Variants in BACH1 observed in about 807,000 individuals in gnomAD.
BACH1 encodes the protein transcription regulator protein BACH1.
BACH1 carries 35 observed loss-of-function variants against 52.9 expected under a neutral mutation model. The observed-to-expected ratio is 0.66, with a 90% CI of 0.51 to 0.88. The LOEUF (loss-of-function observed/expected upper bound fraction) is 0.88, where lower values mean the gene tolerates loss of function less well. Among genes scored for constraint, BACH1 ranks in the 40% least tolerant of loss-of-function variants. The pLI is 0.00. For synonymous variants in BACH1, 321 were observed against 319.6 expected, an observed-to-expected ratio of 1.00 and a Z score of -0.05; for missense variants, 808 against 872.6, an observed-to-expected ratio of 0.93 and a Z score of 0.93.
Position 29,326,364 on chromosome 21 carries a change from G to T in BACH1, c.540G>T (p.Gln180His). Residue 180 changes from glutamine (Q) to histidine (H), a missense_variant, in exon 3 of 5, where the codon CAG (glutamine) becomes CAT (histidine). Coordinates refer to ENST00000286800, the MANE Select transcript of BACH1 (RefSeq NM_001186.4). Reference protein sequence around the residue: ...VEEFLENKNVQTPQCKLRRYQ... With the variant: ...VEEFLENKNVHTPQCKLRRYQ... Reference sequence around the variant, plus strand: ...AATTTCTGGAAAATAAAAATGTTCAGACTCCTCAGTGTAAACTCCGCAGGT... The same window carrying T: ...AATTTCTGGAAAATAAAAATGTTCATACTCCTCAGTGTAAACTCCGCAGGT... 2 of 1,614,172 alleles carry T rather than the reference G, an allele frequency of 1.2e-6. No homozygotes were observed. The highest frequency in any genetic ancestry group is 1.7e-6 in the Non-Finnish European group (2 of 1,180,032).
In BACH1 at chr21:29,344,900, C is replaced by A. The variant is rs938740626; in HGVS notation, c.*2067C>A. 6.6e-6 allele frequency: 1 copy of A among 152,548 alleles called. No homozygotes were observed. Among genetic ancestry groups the A allele is most frequent in the Non-Finnish European group, 1.5e-5 (1 of 68,006 alleles). 9.4% of individuals were successfully genotyped at this position (152,548 alleles called of 1,614,324 possible). The stretch of plus-strand genomic sequence containing the variant: ...ATCTTTTGCTTTAATTGCTACTGTA[C>A]TTGCTTTGAAAGATTACCTACTATT... On this transcript the variant is annotated 3_prime_UTR_variant, in exon 5 of 5. Coordinates refer to ENST00000286800, the MANE Select transcript of BACH1 (RefSeq NM_001186.4).
rs1344025760 is a variant in BACH1 at position 29,343,547 on chromosome 21, C to G, written c.*714C>G. On this transcript the variant is annotated 3_prime_UTR_variant, in exon 5 of 5. Coordinates refer to ENST00000286800, the MANE Select transcript of BACH1 (RefSeq NM_001186.4). ...AGTGTCACTTTCCCTCCCTGCCCCC[C>G]GCTTCAGTCTCTACCATATCTGGTC... is the stretch of plus-strand genomic sequence containing the variant. The G allele has an allele frequency of 1.3e-5, 2 of 152,296 alleles. No homozygotes were observed. The highest frequency in any genetic ancestry group is 2.4e-5 in the African/African-American group (1 of 41,446). The allele number at this position is 152,296 out of a possible 1,614,324, so 9.4% of individuals were successfully genotyped here.
chr21:29,356,562 C>T (rs1352705900), intron 2 of BACH1, among the ~76,000 whole-genome samples: 1 of 152,226 alleles, frequency 6.6e-6, no homozygotes, highest in African/African-American at 2.4e-5. Flanking sequence ...GTATATTATC[C>T]TGTCCTGAAG....
intron 4 of BACH1, among the ~76,000 whole-genome samples, chr21:29,341,473 G>T (rs967796769): frequency 3.8e-4 from 58 of 152,270 alleles, no homozygotes; most frequent in African/African-American, 1.3e-3. Flanking sequence ...TAAGATGTTA[G>T]AACAAGAAGG....
At chr21:29,339,376 T>G (rs1429564480) in intron 4 of BACH1, among the ~76,000 whole-genome samples, 32 of 152,132 alleles carry the variant, frequency 2.1e-4, no homozygotes, top group Admixed American at 2.1e-3. Flanking sequence ...ATGAGCATTT[T>G]TGCTTATATT....
At chr21:29,358,741 G>A (rs1034113681) in intron 2 of BACH1, among the ~76,000 whole-genome samples, 91 of 77,574 alleles carry the variant, frequency 1.2e-3, no homozygotes, top group African/African-American at 3.8e-3. Context: ...CTCTGTCTCA[G>A]AAAAAAAGAA....
At chr21:29,317,699 T>C (rs1284577522) in intron 1 of BACH1, among the ~76,000 whole-genome samples, 2 of 152,174 alleles carry the variant, frequency 1.3e-5, no homozygotes, top group Non-Finnish European at 2.9e-5. Context: ...GAGAATACAT[T>C]GGAGGGGGTC....
chr21:29,348,546 T>C (rs1156291262), downstream of BACH1, among the ~76,000 whole-genome samples: 2 of 152,188 alleles, frequency 1.3e-5, no homozygotes, highest in Non-Finnish European at 2.9e-5. Flanking sequence ...TAATTTCTAT[T>C]GGAAGGACGC....
rs373884402 is a variant in BACH1, at chr21:29,358,770, A to AAAAGAAAGAAAGAAAGAAAGAAAG, written c.472+29100_472+29123dup. ...AAAAGAAAAGAAAAGAAAAGAAAAG[A>AAAAGAAAGAAAGAAAGAAAGAAAG]AAAGAAAGAAAGAAAGAAAGAAAGA... On this transcript the variant is annotated intron_variant, in intron 2 of 4. Coordinates refer to the BACH1 transcript ENST00000422809. Among the ~76,000 whole-genome samples the AAAAGAAAGAAAGAAAGAAAGAAAG allele has an allele frequency of 9.2e-4, 100 of 108,970 alleles. 2 individuals carry two copies. The highest frequency in any genetic ancestry group is 9.3e-3 in the Middle Eastern group (2 of 214). The allele number at this position is 108,970 out of a possible 152,430, so 71.5% of individuals were successfully genotyped here. A position where few individuals can be genotyped will look rare whatever the true frequency, so the allele number is the denominator to read the frequency against.
intron 4 of BACH1, among the ~76,000 whole-genome samples, chr21:29,340,140 G>A (rs1021700034): frequency 6.6e-6 from 1 of 152,176 alleles, no homozygotes; most frequent in Non-Finnish European, 1.5e-5. Flanking sequence ...TAGTGACTTT[G>A]GGAGGTATCT....
chr21:29,333,826 G>T (rs1198167240), intron 4 of BACH1, among the ~76,000 whole-genome samples: 3 of 152,212 alleles, frequency 2.0e-5, no homozygotes, highest in Admixed American at 6.5e-5. Context: ...TTTTATTAAA[G>T]TCTCAGTGTG....
chr21:29,332,823 C>T (rs1053639794), intron 4 of BACH1, among the ~76,000 whole-genome samples: 11 of 152,218 alleles, frequency 7.2e-5, no homozygotes, highest in African/African-American at 2.7e-4. Flanking sequence ...GTATCCTCTT[C>T]TGTGACTAGC....
chr21:29,311,478 CT>C (rs1277700744), intron 1 of BACH1, among the ~76,000 whole-genome samples: 2 of 98,546 alleles, frequency 2.0e-5, no homozygotes, highest in Non-Finnish European at 4.1e-5. Context: ...ACCTCACCCC[CT>C]AATTCTGCTT....
intron 1 of BACH1, among the ~76,000 whole-genome samples, chr21:29,319,346 C>T (rs559342194): frequency 2.6e-5 from 4 of 152,062 alleles, no homozygotes; most frequent in South Asian, 4.2e-4. Flanking sequence ...AGGCATGGCA[C>T]GGGATTAAGA....
chr21:29,318,705 G>A (rs2088815566), intron 1 of BACH1, among the ~76,000 whole-genome samples: 2 of 152,178 alleles, frequency 1.3e-5, no homozygotes, highest in South Asian at 2.1e-4. Flanking sequence ...GATGTATGTA[G>A]TTGACTACTA....
rs1161781380 is a variant in BACH1 at position 29,321,267 on chromosome 21, A to T, written c.-14A>T. ...GCTTTCCACTGAACTTCCCGACAAC[A>T]TTTGTTATGCAGAATGTCTCTGAGT... On this transcript the variant is annotated 5_prime_UTR_variant, in exon 2 of 5. Coordinates refer to ENST00000286800, the MANE Select transcript of BACH1 (RefSeq NM_001186.4). 2 of 1,599,242 alleles carry T rather than the reference A, an allele frequency of 1.3e-6. No individual in the cohort carries two copies. Among genetic ancestry groups the T allele is most frequent in the African/African-American group, 1.3e-5 (1 of 74,678 alleles).
rs373884402 is a variant in BACH1 at position 29,358,770 on chromosome 21, AAAAGAAAGAAAGAAAGAAAG to A, written c.472+29104_472+29123del. 2.3e-4 allele frequency among the ~76,000 whole-genome samples: 25 copies of A among 108,972 alleles called. No individual in the cohort carries two copies. In the East Asian group the frequency reaches 3.7e-3, roughly 16 times the overall value. The allele number at this position is 108,972 out of a possible 152,430, so 71.5% of individuals were successfully genotyped here. On this transcript the variant is annotated intron_variant, in intron 2 of 4. Coordinates refer to the BACH1 transcript ENST00000422809. ...AAAAGAAAAGAAAAGAAAAGAAAAG[AAAAGAAAGAAAGAAAGAAAG>A]AAAGAAAGAAAGAAAGAAAGAAAGA... is the stretch of plus-strand genomic sequence containing the variant.
intron 1 of BACH1, among the ~76,000 whole-genome samples, chr21:29,312,248 C>G (rs949020086): frequency 2.0e-5 from 3 of 152,108 alleles, no homozygotes; most frequent in Non-Finnish European, 4.4e-5. Flanking sequence ...TTCCCCTCCC[C>G]TCTTTCTTGT....
At chr21:29,359,818 G>A (rs2089260300) in intron 2 of BACH1, among the ~76,000 whole-genome samples, 1 of 152,056 alleles carries the variant, frequency 6.6e-6, no homozygotes, top group African/African-American at 2.4e-5. Context: ...CTTCATCCTG[G>A]CCATATTAAT....
Sources: gnomAD v4.1 joint callset for allele counts (sites outside exome capture counted in the v4.1 genomes callset) on GRCh38, gnomAD v4.1.1 for gene constraint, MANE v1.5 for transcripts, NCBI Gene and HGNC (gene_info 2026-07-23, HGNC 2026-07-21) for gene names.